CSMD3: variants seen among roughly 807,000 people sequenced by gnomAD.
The protein encoded by CSMD3 is CUB and sushi domain-containing protein 3.
Under a neutral mutation model 435.2 loss-of-function variants are expected in CSMD3, and 177 were observed. The ratio of observed to expected loss-of-function variants is 0.41; its 90% CI spans 0.36 to 0.46. The LOEUF is 0.46. Among genes scored for constraint, CSMD3 ranks in the 20% least tolerant of loss-of-function variants. The pLI is 0.34. For synonymous variants in CSMD3, 1,656 were observed against 1,520.5 expected, an observed-to-expected ratio of 1.09 and a Z score of -2.07; for missense variants, 4,265 against 4,504.6, an observed-to-expected ratio of 0.95 and a Z score of 1.52.
chr8:112,870,717 A>G (rs771094126), intron 10 of CSMD3, among the ~76,000 whole-genome samples: 29 of 152,196 alleles, frequency 1.9e-4, no homozygotes, highest in Admixed American at 1.2e-3. Flanking sequence ...CGAATCACAC[A>G]AATATTAAAT....
chr8:112,984,820 T>C (rs997130821), intron 6 of CSMD3, among the ~76,000 whole-genome samples: 1 of 152,120 alleles, frequency 6.6e-6, no homozygotes, highest in Non-Finnish European at 1.5e-5. Context: ...TCTAATACCC[T>C]ACTTTTTCTA....
At chr8:113,336,457 A>G (rs954961266) in intron 1 of CSMD3, among the ~76,000 whole-genome samples, 1 of 152,056 alleles carries the variant, frequency 6.6e-6, no homozygotes, top group Admixed American at 6.6e-5. Flanking sequence ...ACTTAGTTTG[A>G]TATCTTGTTG....
At chr8:112,268,925 A>G (rs1472269815) in intron 59 of CSMD3, among the ~76,000 whole-genome samples, 1 of 152,086 alleles carries the variant, frequency 6.6e-6, no homozygotes, top group African/African-American at 2.4e-5. Flanking sequence ...CCCTATTGAC[A>G]TTTTCAGTCA....
chr8:112,370,172 T>A (rs1393356243), intron 38 of CSMD3, among the ~76,000 whole-genome samples: 3 of 152,134 alleles, frequency 2.0e-5, no homozygotes, highest in Admixed American at 1.3e-4. Context: ...ATCATCTTCA[T>A]CAGATAAACA....
chr8:112,320,888 C>A (rs1022244823), intron 45 of CSMD3, among the ~76,000 whole-genome samples: 3 of 152,088 alleles, frequency 2.0e-5, no homozygotes, highest in Non-Finnish European at 2.9e-5. Flanking sequence ...TATGAGATAT[C>A]TGTTTATCAA....
intron 61 of CSMD3, 89 bp from the exon 62 acceptor site, chr8:112,255,516 A>G: frequency 3.5e-6 from 4 of 1,128,448 alleles, no homozygotes; most frequent in East Asian, 2.4e-5. Flanking sequence ...CAATTTGAAT[A>G]TTGTACTAAA....
chr8:112,425,718 C>T (rs1250442218), intron 32 of CSMD3, among the ~76,000 whole-genome samples: 2 of 152,058 alleles, frequency 1.3e-5, no homozygotes, highest in Non-Finnish European at 2.9e-5. Context: ...TGTGGTAAAA[C>T]TATTTTCATG....
At chr8:113,176,115 T>C (rs1249580341) in intron 3 of CSMD3, among the ~76,000 whole-genome samples, 2 of 152,114 alleles carry the variant, frequency 1.3e-5, no homozygotes, top group African/African-American at 2.4e-5. Flanking sequence ...TATCGCTTAA[T>C]TACTTCTAAA....
intron 4 of CSMD3, among the ~76,000 whole-genome samples, chr8:113,141,213 T>C (rs1233108955): frequency 6.6e-6 from 1 of 150,796 alleles, no homozygotes; most frequent in Non-Finnish European, 1.5e-5. Context: ...TCAAGTTTAA[T>C]AAGTACAAAT....
intron 3 of CSMD3, among the ~76,000 whole-genome samples, chr8:113,217,648 A>G (rs1432764511): frequency 6.6e-6 from 1 of 151,688 alleles, no homozygotes; most frequent in Non-Finnish European, 1.5e-5. Context: ...AAAGAACAGG[A>G]ATCATTTAAC....
intron 27 of CSMD3, among the ~76,000 whole-genome samples, chr8:112,530,800 A>G (rs1234203550): frequency 6.6e-6 from 1 of 152,214 alleles, no homozygotes; most frequent in Non-Finnish European, 1.5e-5. Context: ...CTCCGAGCCA[A>G]TACCCACAGA....
At chr8:112,261,382 C>T (rs1816383796) in intron 61 of CSMD3, among the ~76,000 whole-genome samples, 1 of 151,926 alleles carries the variant, frequency 6.6e-6, no homozygotes, top group Admixed American at 6.6e-5. Context: ...TGATAATTGC[C>T]AATACTGTTG....
At chr8:112,943,075 A>T (rs1253059453) in intron 9 of CSMD3, among the ~76,000 whole-genome samples, 1 of 151,706 alleles carries the variant, frequency 6.6e-6, no homozygotes, top group Non-Finnish European at 1.5e-5. Context: ...TTCCCTAATT[A>T]CATATGATAA....
intron 23 of CSMD3, among the ~76,000 whole-genome samples, chr8:112,574,711 T>C (rs1829802973): frequency 6.6e-6 from 1 of 152,020 alleles, no homozygotes; most frequent in African/African-American, 2.4e-5. Context: ...CAATGATTTG[T>C]GGTTTCCCAA....
At chr8:112,729,387 C>T (rs2077030186) in intron 13 of CSMD3, among the ~76,000 whole-genome samples, 1 of 151,956 alleles carries the variant, frequency 6.6e-6, no homozygotes, top group Non-Finnish European at 1.5e-5. Flanking sequence ...GTGTGAAACA[C>T]GATTATCAGC....
intron 27 of CSMD3, among the ~76,000 whole-genome samples, chr8:112,535,702 C>A (rs1242506309): frequency 6.6e-6 from 1 of 152,072 alleles, no homozygotes; most frequent in Non-Finnish European, 1.5e-5. Context: ...AAAAAAGAGC[C>A]CGCATCGCCA....
intron 24 of CSMD3, among the ~76,000 whole-genome samples, chr8:112,558,549 C>T (rs764339043): frequency 1.3e-5 from 2 of 151,774 alleles, no homozygotes; most frequent in African/African-American, 2.4e-5. Flanking sequence ...TCATATAAAA[C>T]CATGATCCAA....
chr8:112,898,084 G>A (rs2082003116), intron 10 of CSMD3, among the ~76,000 whole-genome samples: 1 of 151,006 alleles, frequency 6.6e-6, no homozygotes, highest in African/African-American at 2.4e-5. Flanking sequence ...TTTCCTTACT[G>A]CTGTGCCCAA....
intron 13 of CSMD3, among the ~76,000 whole-genome samples, chr8:112,746,264 T>C (rs951627488): frequency 2.6e-5 from 4 of 152,190 alleles, no homozygotes; most frequent in African/African-American, 9.7e-5. Context: ...CTGCAATAAC[T>C]GTTCTGCTCC....
Sources: gnomAD v4.1 joint callset for allele counts (sites outside exome capture counted in the v4.1 genomes callset) on GRCh38, gnomAD v4.1.1 for gene constraint, MANE v1.5 for transcripts, NCBI Gene and HGNC (gene_info 2026-07-23, HGNC 2026-07-21) for gene names.